MARCHF1: variants seen among roughly 807,000 people sequenced by gnomAD.
MARCHF1 encodes membrane associated ring-CH-type finger 1.
A neutral mutation model predicts 54.2 loss-of-function variants in MARCHF1; 40 were observed. The ratio of observed to expected loss-of-function variants is 0.74; its 90% CI spans 0.57 to 0.96. The LOEUF is 0.96. Among genes scored for constraint, MARCHF1 ranks in the 40% least tolerant of loss-of-function variants. The pLI is 0.00. For synonymous variants in MARCHF1, 236 were observed against 236.3 expected, an observed-to-expected ratio of 1.00 and a Z score of 0.01; for missense variants, 586 against 656.5, an observed-to-expected ratio of 0.89 and a Z score of 1.17.
intron 4 of MARCHF1, among the ~76,000 whole-genome samples, chr4:163,767,507 T>C (rs1358443635): frequency 6.6e-6 from 1 of 151,946 alleles, no homozygotes. Flanking sequence ...CTACTTTTTT[T>C]GTATTTTTAG....
chr4:163,845,479 AC>A (rs1322796416), intron 4 of MARCHF1, among the ~76,000 whole-genome samples: 17 of 151,392 alleles, frequency 1.1e-4, no homozygotes, highest in Non-Finnish European at 2.2e-4. Flanking sequence ...ACACACACAC[AC>A]ACACACACAC....
chr4:164,291,887 T>C (rs1429934141), intron 1 of MARCHF1, among the ~76,000 whole-genome samples: 1 of 152,108 alleles, frequency 6.6e-6, no homozygotes, highest in Non-Finnish European at 1.5e-5. Flanking sequence ...GCTTTTGAAG[T>C]GTTATATTCT....
intron 1 of MARCHF1, among the ~76,000 whole-genome samples, chr4:164,345,755 ATTG>A (rs1343881609): frequency 2.6e-5 from 4 of 151,874 alleles, no homozygotes; most frequent in African/African-American, 9.7e-5. Flanking sequence ...CCTACTAGAT[ATTG>A]TTGTGGTATT....
chr4:163,858,535 G>A (rs190014715), intron 3 of MARCHF1, among the ~76,000 whole-genome samples: 3 of 152,274 alleles, frequency 2.0e-5, no homozygotes, highest in Admixed American at 2.0e-4. Context: ...GTGAAGGGCT[G>A]CTAAACGGAA....
intron 1 of MARCHF1, among the ~76,000 whole-genome samples, chr4:164,207,913 C>T (rs1300846618): frequency 6.6e-6 from 1 of 151,974 alleles, no homozygotes; most frequent in Non-Finnish European, 1.5e-5. Flanking sequence ...TACAACAAAC[C>T]TCTGTGGCAC....
In MARCHF1 at chr4:163,821,277, G is replaced by A. The variant is rs944867577; in HGVS notation, c.111+32744C>T. 3.3e-5 allele frequency among the ~76,000 whole-genome samples: 5 copies of A among 151,770 alleles called. No individual in the cohort carries two copies. The South Asian group carries it at 6.2e-4, about 19-fold the overall frequency. The stretch of plus-strand genomic sequence containing the variant: ...TATTTTCTAATTGTATTCACTTTTG[G>A]CCCAACTACCTCTCCTCTCTAGGAT... On this transcript the variant is annotated intron_variant, in intron 4 of 9. Transcript: ENST00000514618.
intron 7 of MARCHF1, among the ~76,000 whole-genome samples, chr4:163,595,230 T>A (rs1255260504): frequency 6.8e-6 from 1 of 146,056 alleles, no homozygotes; most frequent in Non-Finnish European, 1.5e-5. Flanking sequence ...AAATATGGTA[T>A]AAGCCAGTGA....
At chr4:164,141,946 G>T (rs193023587) in intron 1 of MARCHF1, among the ~76,000 whole-genome samples, 1 of 148,610 alleles carries the variant, frequency 6.7e-6, no homozygotes, top group Non-Finnish European at 1.5e-5. Flanking sequence ...GACAGTGGGC[G>T]CAGGTCAGTG....
intron 1 of MARCHF1, among the ~76,000 whole-genome samples, chr4:164,274,268 A>G (rs1246308877): frequency 6.6e-6 from 1 of 152,340 alleles, no homozygotes; most frequent in East Asian, 1.9e-4. Context: ...CTTAACTATC[A>G]TTCAGCTCAG....
intron 2 of MARCHF1, among the ~76,000 whole-genome samples, chr4:164,056,337 C>T (rs564487901): frequency 1.3e-5 from 2 of 152,276 alleles, no homozygotes; most frequent in East Asian, 3.9e-4. Flanking sequence ...TAAAAATATT[C>T]CAGCGATCCT....
At chr4:163,658,598 T>A (rs956936051) in intron 5 of MARCHF1, among the ~76,000 whole-genome samples, 3 of 151,670 alleles carry the variant, frequency 2.0e-5, no homozygotes, top group Non-Finnish European at 4.4e-5. Flanking sequence ...GACCATGGAA[T>A]AATATACAGC....
chr4:164,083,892 ACTT>A, intron 2 of MARCHF1, among the ~76,000 whole-genome samples: 1 of 152,198 alleles, frequency 6.6e-6, no homozygotes, highest in African/African-American at 2.4e-5. Context: ...TAGTGCATGT[ACTT>A]CTTATTTTCA....
In MARCHF1 at chr4:163,933,209, A is replaced by T. The variant is rs146979179; in HGVS notation, c.-39+55292T>A. ...GACAACCTAACACTATGGACCTCAG[A>T]CAGTGCAGGAGAAGAATGTGATGCA... is the stretch of plus-strand genomic sequence containing the variant. On this transcript the variant is annotated intron_variant, in intron 3 of 9. Coordinates refer to ENST00000514618, the MANE Select transcript of MARCHF1 (RefSeq NM_001394959.1). The T allele has an allele frequency of 2.9e-4, 215 of 734,430 alleles. No individual in the cohort carries two copies. In the African/African-American group the frequency reaches 3.6e-3, roughly 12 times the overall value. 45.5% of individuals were successfully genotyped at this position (734,430 alleles called of 1,614,324 possible). A position where few individuals can be genotyped will look rare whatever the true frequency, so the allele number is the denominator to read the frequency against.
At chr4:163,768,458 A>G (rs767145104) in intron 4 of MARCHF1, among the ~76,000 whole-genome samples, 6 of 152,246 alleles carry the variant, frequency 3.9e-5, no homozygotes, top group Admixed American at 3.9e-4. Flanking sequence ...TTAGAAAGAC[A>G]TGTAGTTTTA....
intron 1 of MARCHF1, among the ~76,000 whole-genome samples, chr4:164,244,013 C>T (rs559305531): frequency 6.6e-6 from 1 of 152,224 alleles, no homozygotes; most frequent in South Asian, 2.1e-4. Flanking sequence ...TAATGGGAGA[C>T]TTTAACACCC....
At chr4:164,203,515 T>C (rs1218182631) in intron 1 of MARCHF1, among the ~76,000 whole-genome samples, 2 of 152,158 alleles carry the variant, frequency 1.3e-5, no homozygotes, top group Non-Finnish European at 2.9e-5. Flanking sequence ...GATTGCAGTC[T>C]TGAAATGATT....
intron 1 of MARCHF1, among the ~76,000 whole-genome samples, chr4:164,275,037 G>A (rs1733843193): frequency 1.3e-5 from 2 of 150,788 alleles, no homozygotes; most frequent in South Asian, 4.2e-4. Context: ...TAAGAAACAA[G>A]GCTAATTTCC....
At chr4:164,216,159 A>G (rs1431808968) in intron 1 of MARCHF1, among the ~76,000 whole-genome samples, 1 of 152,238 alleles carries the variant, frequency 6.6e-6, no homozygotes, top group Admixed American at 6.5e-5. Context: ...CTATAATGAT[A>G]CCAACATTTG....
In MARCHF1 at chr4:163,890,892, G is replaced by GT. The variant is rs538178596; in HGVS notation, c.-38-36724dup. ...AATTTCTGCTAGATTTCAAACCTCA[G>GT]TTTTTTTTTTTGTTTCCTAGTATAA... On this transcript the variant is annotated intron_variant, in intron 3 of 9. Coordinates refer to ENST00000514618, the MANE Select transcript of MARCHF1 (RefSeq NM_001394959.1). Among the ~76,000 whole-genome samples, 1,041 of 149,434 alleles carry GT rather than the reference G, an allele frequency of 7.0e-3. 7 individuals carry two copies. Among genetic ancestry groups the GT allele is most frequent in the East Asian group, 0.02 (103 of 5,072 alleles).
Sources: allele counts gnomAD v4.1 joint callset (sites outside exome capture counted in the v4.1 genomes callset), GRCh38; gene constraint gnomAD v4.1.1; transcripts MANE v1.5; gene names NCBI Gene and HGNC (gene_info 2026-07-23, HGNC 2026-07-21).